TRIM67: variants seen among roughly 807,000 people sequenced by gnomAD.
TRIM67 encodes tripartite motif containing 67.
A neutral mutation model predicts 71.0 loss-of-function variants in TRIM67; 39 were observed. The ratio of observed to expected loss-of-function variants is 0.55; its 90% CI spans 0.43 to 0.72. The LOEUF (loss-of-function observed/expected upper bound fraction) is 0.72. TRIM67 is among the 30% of genes least tolerant of loss of function. TRIM67 has a pLI of 0.00. For missense variants in TRIM67, 973 were observed against 1,079.2 expected, an observed-to-expected ratio of 0.90 and a Z score of 1.38; for synonymous variants, 481 against 473.9, an observed-to-expected ratio of 1.01 and a Z score of -0.19.
intron 1 of TRIM67, among the ~76,000 whole-genome samples, chr1:231,175,715 C>T (rs1682730073): frequency 6.6e-6 from 1 of 152,164 alleles, no homozygotes; most frequent in African/African-American, 2.4e-5. Context: ...GAAACATAGC[C>T]CAGAACAAAG....
Position 231,162,682 on chromosome 1 carries a change from G to T in TRIM67, c.-288G>T, listed in dbSNP as rs540682932. The T allele has an allele frequency of 2.3e-6, 1 of 440,282 alleles. No homozygotes were observed. Among genetic ancestry groups the T allele is most frequent in the South Asian group, 3.1e-5 (1 of 32,426 alleles). The allele number at this position is 440,282 out of a possible 1,614,324, so 27.3% of individuals were successfully genotyped here. A position where few individuals can be genotyped will look rare whatever the true frequency, so the allele number is the denominator to read the frequency against. On this transcript the variant is annotated 5_prime_UTR_variant, in exon 1 of 10. Transcript: ENST00000366653. Reference sequence around the variant, plus strand: ...CCTAAAGCTCCTCGCAGGCCACCGCGAGGGCAGCCGACCGGCTCCGGAATC... The same window carrying T: ...CCTAAAGCTCCTCGCAGGCCACCGCTAGGGCAGCCGACCGGCTCCGGAATC...
At chr1:231,204,099 C>A (rs1683630103) in intron 6 of TRIM67, 87 bp downstream of exon 6, 1 of 1,552,566 alleles carries the variant, frequency 6.4e-7, no homozygotes, top group African/African-American at 1.4e-5. Flanking sequence ...TCTGGTTCAG[C>A]CCATGGGGAC....
chr1:231,167,319 C>CTTTTT lies in TRIM67; in HGVS notation c.1044+3323_1044+3327dup, dbSNP rs1159766852. On this transcript the variant is annotated intron_variant, in intron 1 of 9. Transcript: ENST00000366653. The stretch of plus-strand genomic sequence containing the variant: ...ACAGGACTTTTGATCACTCTAATGT[C>CTTTTT]TTTTTTTTTTTTTTTTTTTTTGAGA... 2.2e-3 allele frequency among the ~76,000 whole-genome samples: 114 copies of CTTTTT among 51,842 alleles called. 34 individuals carry two copies. Among genetic ancestry groups the CTTTTT allele is most frequent in the African/African-American group, 7.5e-3 (80 of 10,694 alleles). The allele number at this position is 51,842 out of a possible 152,430, so 34.0% of individuals were successfully genotyped here.
At position 231,213,842 on chromosome 1, in the gene TRIM67, C is replaced by T; in HGVS notation, c.2151C>T (p.Ala717=). 1 of 1,608,532 alleles carries T rather than the reference C, an allele frequency of 6.2e-7. No individual in the cohort carries two copies. Residue 717 remains alanine, a synonymous_variant, in exon 9 of 10, where the codon GCC becomes GCT. Transcript: ENST00000366653. The part of the protein sequence containing the change: ...NRTEGGVCKG[A]TVGVLLDLNK... ...CGGAAGGTGGCGTGTGCAAGGGGGC[C>T]ACCGTGGGCGTGCTGCTGGACCTGA...
At chr1:231,182,834 T>A (rs931717137) in intron 1 of TRIM67, among the ~76,000 whole-genome samples, 4 of 152,222 alleles carry the variant, frequency 2.6e-5, no homozygotes, top group Admixed American at 2.0e-4. Flanking sequence ...GACTGCCTTG[T>A]CAGAGGAAGA....
intron 1 of TRIM67, among the ~76,000 whole-genome samples, chr1:231,187,224 G>A (rs183902305): frequency 1.9e-3 from 283 of 152,254 alleles, no homozygotes; most frequent in African/African-American, 3.6e-3. Context: ...GCAGGGAAAA[G>A]ACCTGCCTCT....
In TRIM67 at chr1:231,215,390, G is replaced by A; in HGVS notation, c.2302G>A (p.Gly768Arg). 1.2e-6 allele frequency: 2 copies of A among 1,612,982 alleles called. No homozygotes were observed. The highest frequency in any genetic ancestry group is 1.7e-6 in the Non-Finnish European group (2 of 1,179,288). Residue 768 changes from glycine (G) to arginine (R), a missense_variant, in exon 10 of 10, where the codon GGA (glycine) becomes AGA (arginine). By Grantham distance (125) the Gly-to-Arg change is moderately radical. Around this residue, in one of 2 missense-constraint regions of TRIM67, gnomAD observed 178 missense variants for 247.9 expected, o/e 0.72. Coordinates refer to ENST00000366653, the MANE Select transcript of TRIM67 (RefSeq NM_001004342.5). ...TCTTTTCCAGGTCACCCTGCACACA[G>A]GATTGGAAGTGCCGACTAACCTGGG... ...NRNVQVTLHTGLEVPTNLGRP... is the reference protein window; with the variant it reads ...NRNVQVTLHTRLEVPTNLGRP...
At chr1:231,200,512 T>C (rs1227188131) in intron 4 of TRIM67, among the ~76,000 whole-genome samples, 1 of 152,146 alleles carries the variant, frequency 6.6e-6, no homozygotes, top group African/African-American at 2.4e-5. Flanking sequence ...ACTGCAACAT[T>C]TTCCCCAAAA....
chr1:231,192,164 C>T (rs1416427588), intron 1 of TRIM67, among the ~76,000 whole-genome samples: 2 of 151,892 alleles, frequency 1.3e-5, no homozygotes, highest in Non-Finnish European at 2.9e-5. Flanking sequence ...GCAGAGAAAG[C>T]TCTCCAGATC....
At chr1:231,166,337 G>A (rs1326898985) in intron 1 of TRIM67, among the ~76,000 whole-genome samples, 5 of 152,232 alleles carry the variant, frequency 3.3e-5, no homozygotes, top group Non-Finnish European at 7.3e-5. Flanking sequence ...TGCTTATTAT[G>A]AGCATTTCAC....
chr1:231,188,897 G>A (rs975969917), intron 1 of TRIM67, among the ~76,000 whole-genome samples: 10 of 152,152 alleles, frequency 6.6e-5, no homozygotes, highest in African/African-American at 9.7e-5. Flanking sequence ...GACTGGGTTC[G>A]GGCAGTCAGA....
intron 1 of TRIM67, among the ~76,000 whole-genome samples, chr1:231,186,588 CCTGT>C (rs928813591): frequency 7.2e-5 from 11 of 152,172 alleles, no homozygotes; most frequent in African/African-American, 2.4e-4. Flanking sequence ...TTCCCTAGCA[CCTGT>C]CTGTCTCTAT....
At chr1:231,190,984 C>T (rs537149649) in intron 1 of TRIM67, among the ~76,000 whole-genome samples, 2 of 152,314 alleles carry the variant, frequency 1.3e-5, no homozygotes, top group African/African-American at 4.8e-5. Context: ...CTGCATCTGC[C>T]TCAATCACAG....
At chr1:231,210,932 A>AGACAACGGCTCGGGTCACGCG (rs1683849709) in intron 8 of TRIM67, among the ~76,000 whole-genome samples, 1 of 143,944 alleles carries the variant, frequency 6.9e-6, no homozygotes, top group African/African-American at 2.7e-5. Context: ...CTGTAGTTTC[A>AGACAACGGCTCGGGTCACGCG]GCTACTTGGG....
chr1:231,177,823 T>C (rs977484863), intron 1 of TRIM67, among the ~76,000 whole-genome samples: 2 of 152,208 alleles, frequency 1.3e-5, no homozygotes, highest in African/African-American at 4.8e-5. Context: ...ATGTATTATT[T>C]ATCTTTGTAA....
intron 1 of TRIM67, among the ~76,000 whole-genome samples, chr1:231,191,320 C>T (rs60874670): frequency 0.056 from 8,486 of 152,286 alleles, 413 homozygotes; most frequent in East Asian, 0.24. Context: ...CCGCCTTGGC[C>T]TCCCAGAGTG....
At chr1:231,211,109 C>G in intron 8 of TRIM67, among the ~76,000 whole-genome samples, 1 of 151,262 alleles carries the variant, frequency 6.6e-6, no homozygotes, top group Non-Finnish European at 1.5e-5. Context: ...GGTCAGACAA[C>G]GGCTCGGGTC....
chr1:231,194,468 G>T (rs1683313893), intron 1 of TRIM67, among the ~76,000 whole-genome samples: 2 of 152,280 alleles, frequency 1.3e-5, no homozygotes, highest in South Asian at 4.1e-4. Context: ...GACTGGGGAA[G>T]ACACACCAAC....
intron 1 of TRIM67, among the ~76,000 whole-genome samples, chr1:231,172,571 A>T (rs1168922091): frequency 1.3e-5 from 2 of 152,174 alleles, no homozygotes; most frequent in African/African-American, 4.8e-5. Flanking sequence ...AGGAGTGTGG[A>T]TGAGGCCTCA....
Sources: gnomAD v4.1 joint callset for allele counts (sites outside exome capture counted in the v4.1 genomes callset) on GRCh38, gnomAD v4.1.1 for gene constraint, gnomAD v4.1.1 regional missense constraint, MANE v1.5 for transcripts, NCBI Gene and HGNC (gene_info 2026-07-23, HGNC 2026-07-21) for gene names.